The following CSNK2A2IP variants were observed in gnomAD, a reference collection of about 807,000 sequenced individuals.
CSNK2A2IP encodes casein kinase 2 subunit alpha' interacting protein.
the CSNK2A2IP span, chr3:88,382,842 T>G: frequency 6.6e-6 from 1 of 152,210 alleles, no homozygotes; most frequent in Non-Finnish European, 1.5e-5. Context: ...GATTGCTGAC[T>G]TGGTTCACTT....
chr3:88,362,382 G>A, the CSNK2A2IP span, among the ~76,000 whole-genome samples: 1 of 152,186 alleles, frequency 6.6e-6, no homozygotes, highest in Non-Finnish European at 1.5e-5. Flanking sequence ...AAGCCTTGGT[G>A]GGTTTGGGGA....
the CSNK2A2IP span, among the ~76,000 whole-genome samples, chr3:88,339,033 T>A: frequency 1.3e-5 from 2 of 152,114 alleles, no homozygotes; most frequent in Non-Finnish European, 2.9e-5. Context: ...GTAGCCATTG[T>A]CTCAAACCAT....
At chr3:88,438,964 C>G in the CSNK2A2IP span, among the ~76,000 whole-genome samples, 10 of 152,294 alleles carry the variant, frequency 6.6e-5, no homozygotes, top group African/African-American at 2.4e-4. Flanking sequence ...TGTCTTCAGC[C>G]TGTCTCACCT....
At chr3:88,342,403 A>C in the CSNK2A2IP span, among the ~76,000 whole-genome samples, 1 of 152,006 alleles carries the variant, frequency 6.6e-6, no homozygotes, top group Non-Finnish European at 1.5e-5. Flanking sequence ...AATAAGGCAA[A>C]TGCTGAGCTG....
chr3:88,372,892 T>G, the CSNK2A2IP span, among the ~76,000 whole-genome samples: 1 of 151,458 alleles, frequency 6.6e-6, no homozygotes, highest in Middle Eastern at 3.4e-3. Flanking sequence ...GAGACAGAGG[T>G]GGATATTTCC....
At chr3:88,410,437 T>G in the CSNK2A2IP span, among the ~76,000 whole-genome samples, 3 of 152,032 alleles carry the variant, frequency 2.0e-5, no homozygotes, top group Non-Finnish European at 4.4e-5. Context: ...TTTTTCTCAT[T>G]TGTTGCCGTG....
At chr3:88,389,692 T>A in the CSNK2A2IP span, among the ~76,000 whole-genome samples, 6 of 152,060 alleles carry the variant, frequency 3.9e-5, no homozygotes, top group African/African-American at 1.4e-4. Flanking sequence ...TGCACTAGTG[T>A]ATTGGGGGCA....
the CSNK2A2IP span, among the ~76,000 whole-genome samples, chr3:88,361,849 A>G: frequency 6.6e-6 from 1 of 151,506 alleles, no homozygotes; most frequent in Non-Finnish European, 1.5e-5. Context: ...AAGCTCACTA[A>G]TTCTTTCTTC....
chr3:88,407,712 C>T, the CSNK2A2IP span, among the ~76,000 whole-genome samples: 18 of 150,060 alleles, frequency 1.2e-4, no homozygotes, highest in African/African-American at 3.9e-4. Context: ...AGTGTGCAAT[C>T]TATTTATTTA....
chr3:88,384,860 A>T, the CSNK2A2IP span, among the ~76,000 whole-genome samples: 1 of 152,178 alleles, frequency 6.6e-6, no homozygotes, highest in Non-Finnish European at 1.5e-5. Flanking sequence ...AGACTGGTTG[A>T]AGGCAGTGAG....
the CSNK2A2IP span, among the ~76,000 whole-genome samples, chr3:88,456,420 A>T: frequency 1.8e-3 from 271 of 151,608 alleles, 2 homozygotes; most frequent in African/African-American, 6.3e-3. Flanking sequence ...TCCTTGGTTA[A>T]TTTTTTTTGT....
chr3:88,402,046 T>C, the CSNK2A2IP span, among the ~76,000 whole-genome samples: 1 of 151,720 alleles, frequency 6.6e-6, no homozygotes, highest in African/African-American at 2.4e-5. Flanking sequence ...TTTGCCATTC[T>C]TTTGGCAGCT....
the CSNK2A2IP span, among the ~76,000 whole-genome samples, chr3:88,449,135 A>G: frequency 6.6e-6 from 1 of 152,100 alleles, no homozygotes; most frequent in Non-Finnish European, 1.5e-5. Context: ...ATGAGAAAAA[A>G]GATAAACTAT....
the CSNK2A2IP span, among the ~76,000 whole-genome samples, chr3:88,404,664 T>A: frequency 1.5e-4 from 22 of 149,108 alleles, no homozygotes; most frequent in African/African-American, 5.3e-4. Context: ...TCATTCTGAG[T>A]TGTACTTCCT....
chr3:88,444,137 C>G, the CSNK2A2IP span, among the ~76,000 whole-genome samples: 2 of 151,952 alleles, frequency 1.3e-5, no homozygotes, highest in Admixed American at 1.3e-4. Flanking sequence ...AAAAGATAAC[C>G]AAAAGTTAAT....
chr3:88,428,155 G>A, the CSNK2A2IP span, among the ~76,000 whole-genome samples: 1 of 152,152 alleles, frequency 6.6e-6, no homozygotes, highest in South Asian at 2.1e-4. Context: ...TTTAAGATTT[G>A]GCTGCCCCGC....
chr3:88,353,485 T>C, the CSNK2A2IP span, among the ~76,000 whole-genome samples: 7 of 152,158 alleles, frequency 4.6e-5, no homozygotes, highest in Admixed American at 4.6e-4. Context: ...GTCCCTGCCA[T>C]GGAAGCATAT....
At chr3:88,424,905 A>G in the CSNK2A2IP span, among the ~76,000 whole-genome samples, 30 of 152,088 alleles carry the variant, frequency 2.0e-4, no homozygotes, top group African/African-American at 7.2e-4. Flanking sequence ...TAATTGAATA[A>G]TATTGACAGC....
chr3:88,465,287 A>G, the CSNK2A2IP span: 1 of 930,606 alleles, frequency 1.1e-6, no homozygotes, highest in Non-Finnish European at 1.4e-6. Context: ...GATTCCCGCT[A>G]AAAGACTAAC....
Sources: allele counts gnomAD v4.1 joint callset (sites outside exome capture counted in the v4.1 genomes callset), GRCh38; gene constraint gnomAD v4.1.1; transcripts MANE v1.5; gene names NCBI Gene and HGNC (gene_info 2026-07-23, HGNC 2026-07-21).